Variants in DCC observed in about 807,000 individuals in gnomAD.
DCC encodes the protein DCC netrin 1 receptor.
DCC carries 58 observed loss-of-function variants against 172.5 expected under a neutral mutation model. The observed-to-expected ratio is 0.34, with a 90% confidence interval of 0.27 to 0.42. The LOEUF (loss-of-function observed/expected upper bound fraction) is 0.42, where lower values mean the gene tolerates loss of function less well. Among genes scored for constraint, DCC ranks in the 10% least tolerant of loss-of-function variants. DCC has a pLI of 1.00. For synonymous variants in DCC, 709 were observed against 644.5 expected (o/e 1.10, Z -1.52); for missense variants, 1,740 against 1,791.0 (o/e 0.97, Z 0.51).
intron 2 of DCC, among the ~76,000 whole-genome samples, chr18:52,761,650 C>T (rs6508159): frequency 4.6e-5 from 7 of 151,732 alleles, no homozygotes; most frequent in Non-Finnish European, 1.0e-4. Flanking sequence ...AAACACAAAC[C>T]CATGCACACA....
chr18:52,983,904 T>G (rs1046889537), intron 5 of DCC, among the ~76,000 whole-genome samples: 15 of 152,140 alleles, frequency 9.9e-5, no homozygotes, highest in Non-Finnish European at 1.9e-4. Flanking sequence ...TTTCATTGCC[T>G]CCTGCACTTA....
At chr18:52,889,336 A>G (rs1029141384) in intron 2 of DCC, among the ~76,000 whole-genome samples, 1 of 152,126 alleles carries the variant, frequency 6.6e-6, no homozygotes, top group Non-Finnish European at 1.5e-5. Flanking sequence ...ATGATAGTAG[A>G]TGAGTATGGA....
intron 5 of DCC, among the ~76,000 whole-genome samples, chr18:53,053,241 G>A (rs1004533484): frequency 1.1e-4 from 17 of 152,044 alleles, no homozygotes; most frequent in Non-Finnish European, 1.5e-4. Flanking sequence ...GATGTTCGGC[G>A]GTGTTAGTGA....
intron 5 of DCC, among the ~76,000 whole-genome samples, chr18:53,016,643 GTTTA>G (rs991622021): frequency 4.0e-5 from 6 of 151,858 alleles, no homozygotes; most frequent in African/African-American, 1.4e-4. Flanking sequence ...TAATTATTTT[GTTTA>G]TTTAATTTTA....
chr18:53,442,224 A>C (rs1912320293), intron 22 of DCC, among the ~76,000 whole-genome samples: 1 of 152,146 alleles, frequency 6.6e-6, no homozygotes, highest in African/African-American at 2.4e-5. Flanking sequence ...AGTTTTTCCA[A>C]ATTGAAAGCT....
intron 7 of DCC, among the ~76,000 whole-genome samples, chr18:53,088,318 C>G (rs2144167341): frequency 6.6e-6 from 1 of 152,306 alleles, no homozygotes; most frequent in Non-Finnish European, 1.5e-5. Context: ...AGGTCCTTCA[C>G]ATCCCTTGTA....
chr18:53,295,726 G>T (rs1324030394), intron 12 of DCC, among the ~76,000 whole-genome samples: 1 of 152,074 alleles, frequency 6.6e-6, no homozygotes, highest in East Asian at 1.9e-4. Context: ...TATCTGGTAG[G>T]TAAGTCCAGT....
chr18:53,041,438 T>C (rs2143998916), intron 5 of DCC, among the ~76,000 whole-genome samples: 1 of 152,242 alleles, frequency 6.6e-6, no homozygotes, highest in African/African-American at 2.4e-5. Context: ...TAGTTTGAAG[T>C]CAGGTAGCAT....
rs78086390 is a variant in DCC at position 52,575,429 on chromosome 18, G to A, written c.92-176625G>A. Among the ~76,000 whole-genome samples, 562 of 152,216 alleles carry A rather than the reference G, an allele frequency of 3.7e-3. 6 individuals carry two copies. Among genetic ancestry groups the A allele is most frequent in the African/African-American group, 0.013 (532 of 41,532 alleles). On this transcript the variant is annotated intron_variant, in intron 1 of 28. Coordinates refer to ENST00000442544, the MANE Select transcript of DCC (RefSeq NM_005215.4). ...TACTCACGTTATTCACTGCATTTACGTGGTCAGGAAGGTTCTGGAAATAAA... is the reference window on the plus strand; with the variant it reads ...TACTCACGTTATTCACTGCATTTACATGGTCAGGAAGGTTCTGGAAATAAA...
At chr18:52,925,576 T>A (rs533778327) in intron 5 of DCC, among the ~76,000 whole-genome samples, 1 of 152,030 alleles carries the variant, frequency 6.6e-6, no homozygotes, top group Non-Finnish European at 1.5e-5. Context: ...AAAATCCAGA[T>A]ATATTATGCT....
chr18:52,656,644 G>T lies in DCC; in HGVS notation c.92-95410G>T, dbSNP rs2035260310. ...TCTAACTTGGCCAACAGTGAGACTT[G>T]CCACAGTGCTAGGCTCAAGGGACAT... On this transcript the variant is annotated intron_variant, in intron 1 of 28. Transcript: ENST00000442544. Among the ~76,000 whole-genome samples the T allele has an allele frequency of 2.6e-5, 4 of 152,202 alleles. No homozygotes were observed. The South Asian group carries it at 8.3e-4, about 31-fold the overall frequency.
At chr18:52,736,048 G>A (rs1297600433) in intron 1 of DCC, among the ~76,000 whole-genome samples, 5 of 152,018 alleles carry the variant, frequency 3.3e-5, no homozygotes, top group Non-Finnish European at 7.4e-5. Context: ...TAAACAGTGT[G>A]AGAAAAAGAA....
At chr18:53,223,982 A>C (rs963207276) in intron 12 of DCC, among the ~76,000 whole-genome samples, 1 of 152,214 alleles carries the variant, frequency 6.6e-6, no homozygotes, top group East Asian at 1.9e-4. Flanking sequence ...AAGATATTAT[A>C]AAACTAATTC....
At chr18:52,883,674 T>C (rs1041270140) in intron 2 of DCC, among the ~76,000 whole-genome samples, 1 of 152,010 alleles carries the variant, frequency 6.6e-6, no homozygotes, top group African/African-American at 2.4e-5. Flanking sequence ...TCTTGAAAAG[T>C]TGTGGTAGTT....
chr18:52,642,942 T>C (rs1321896403), intron 1 of DCC, among the ~76,000 whole-genome samples: 1 of 152,198 alleles, frequency 6.6e-6, no homozygotes, highest in African/African-American at 2.4e-5. Context: ...CATGAGACGT[T>C]GCACCTAGCC....
chr18:52,405,862 A>G (rs1568154548), intron 1 of DCC, among the ~76,000 whole-genome samples: 1 of 151,732 alleles, frequency 6.6e-6, no homozygotes. Context: ...CTGCATCGCG[A>G]AGTCAATCCT....
chr18:53,516,543 C>T (rs368218006), intron 27 of DCC, among the ~76,000 whole-genome samples: 1 of 150,192 alleles, frequency 6.7e-6, no homozygotes. Flanking sequence ...ATTTTTGCAA[C>T]CTACTCATCT....
At chr18:53,047,583 A>G (rs1433510953) in intron 5 of DCC, among the ~76,000 whole-genome samples, 1 of 149,424 alleles carries the variant, frequency 6.7e-6, no homozygotes, top group African/African-American at 2.5e-5. Context: ...TTGTAAAATC[A>G]TATTTGTTAA....
At chr18:53,123,515 A>T (rs1463280500) in intron 7 of DCC, among the ~76,000 whole-genome samples, 1 of 152,042 alleles carries the variant, frequency 6.6e-6, no homozygotes. Flanking sequence ...AGAAAATTCT[A>T]TGTGCAACCA....
Sources: allele counts gnomAD v4.1 joint callset (sites outside exome capture counted in the v4.1 genomes callset), GRCh38; gene constraint gnomAD v4.1.1; transcripts MANE v1.5; gene names NCBI Gene and HGNC (gene_info 2026-07-23, HGNC 2026-07-21).